The following CCDC88C variants were observed in gnomAD, a reference collection of about 807,000 sequenced individuals.
The protein encoded by CCDC88C is protein Daple.
CCDC88C carries 131 observed loss-of-function variants against 198.8 expected under a neutral mutation model. The observed-to-expected ratio is 0.66, with a 90% CI of 0.57 to 0.76. The LOEUF (loss-of-function observed/expected upper bound fraction) is 0.76, where lower values mean the gene tolerates loss of function less well. CCDC88C is among the 30% of genes least tolerant of loss of function. The probability of loss-of-function intolerance (pLI) is 0.00; values close to 1 mark genes in which losing one functional copy is unlikely to be tolerated. For missense variants in CCDC88C, 2,553 were observed against 2,631.6 expected (o/e 0.97, Z 0.65); for synonymous variants, 1,166 against 1,114.7 (o/e 1.05, Z -0.92).
chr14:91,285,578 A>G (rs1890369553), intron 25 of CCDC88C: 1 of 1,181,662 alleles, frequency 8.5e-7, no homozygotes, highest in Admixed American at 2.9e-5. Context: ...GCTATCGGCC[A>G]TCTGGCCTTT....
At chr14:91,394,821 G>A (rs746965454) in intron 3 of CCDC88C, among the ~76,000 whole-genome samples, 3 of 152,190 alleles carry the variant, frequency 2.0e-5, no homozygotes, top group Admixed American at 6.5e-5. Context: ...GTGCACACTC[G>A]CAAGATTAAT....
intron 21 of CCDC88C, among the ~76,000 whole-genome samples, chr14:91,298,363 A>T (rs990425367): frequency 6.6e-6 from 1 of 151,244 alleles, no homozygotes; most frequent in African/African-American, 2.4e-5. Context: ...ACAGAGCAAG[A>T]CTCCGTCTCA....
At chr14:91,413,593 T>C (rs1337916511) in intron 2 of CCDC88C, among the ~76,000 whole-genome samples, 1 of 152,204 alleles carries the variant, frequency 6.6e-6, no homozygotes, top group African/African-American at 2.4e-5. Context: ...CCCAGGCCTC[T>C]CCATCCAGGC....
chr14:91,281,054 A>C, intron 27 of CCDC88C: 1 of 424,056 alleles, frequency 2.4e-6, no homozygotes. Flanking sequence ...GAATCCAATG[A>C]CAAGTGCTTC....
rs1305169237 is a variant in CCDC88C at position 91,289,215 on chromosome 14, G to A, written c.4331C>T (p.Ser1444Leu). Residue 1444 changes from serine (S) to leucine (L), a missense_variant, in exon 25 of 30, where the codon TCG becomes TTG. Physicochemically the swap from Ser to Leu is moderately radical, Grantham distance 145. Coordinates refer to ENST00000389857, the MANE Select transcript of CCDC88C (RefSeq NM_001080414.4). ...PWQLESSDPA[S>L]PAASQPLRSQ... ...TCTGAGCGGCTGAGAGGCCGCCGGC[G>A]AGGCGGGGTCTGAGGACTCCAGCTG... is the stretch of plus-strand genomic sequence containing the variant. 16 of 1,613,916 alleles carry A rather than the reference G, an allele frequency of 9.9e-6. No homozygotes were observed. Among genetic ancestry groups the A allele is most frequent in the Non-Finnish European group, 1.2e-5 (14 of 1,179,880 alleles).
At position 91,409,202 on chromosome 14, in the gene CCDC88C, T is replaced by A. The variant is rs61988440; in HGVS notation, c.162-435A>T. ...AAAAATGGTAGTTTTTTTTTTTTTTTAAATAGAGACAGGTCTCACTCTGTC... is the reference window on the plus strand; with the variant it reads ...AAAAATGGTAGTTTTTTTTTTTTTTAAAATAGAGACAGGTCTCACTCTGTC... On this transcript the variant is annotated intron_variant, in intron 2 of 29. Coordinates refer to ENST00000389857, the MANE Select transcript of CCDC88C (RefSeq NM_001080414.4). 4.0e-5 allele frequency among the ~76,000 whole-genome samples: 5 copies of A among 123,562 alleles called. 1 individual carries two copies. The highest frequency in any genetic ancestry group is 2.5e-4 in the East Asian group (1 of 4,052). The allele number at this position is 123,562 out of a possible 152,430, so 81.1% of individuals were successfully genotyped here. A position where few individuals can be genotyped will look rare whatever the true frequency, so the allele number is the denominator to read the frequency against.
At chr14:91,356,029 A>G (rs2139896431) in intron 4 of CCDC88C, among the ~76,000 whole-genome samples, 1 of 152,320 alleles carries the variant, frequency 6.6e-6, no homozygotes, top group East Asian at 1.9e-4. Flanking sequence ...CGACGGGGAT[A>G]GATTTAGTCA....
chr14:91,404,223 C>T (rs118110739), intron 3 of CCDC88C, among the ~76,000 whole-genome samples: 3 of 152,190 alleles, frequency 2.0e-5, no homozygotes, highest in African/African-American at 4.8e-5. Context: ...GCTTTCTCTG[C>T]CCCTTCTCAG....
intron 27 of CCDC88C, among the ~76,000 whole-genome samples, chr14:91,280,841 G>C (rs1179019166): frequency 6.6e-6 from 1 of 152,120 alleles, no homozygotes; most frequent in Non-Finnish European, 1.5e-5. Flanking sequence ...CGTGGATAGG[G>C]GTAGGAGGTG....
At chr14:91,390,827 C>T (rs1885465528) in intron 3 of CCDC88C, among the ~76,000 whole-genome samples, 1 of 152,184 alleles carries the variant, frequency 6.6e-6, no homozygotes, top group Admixed American at 6.5e-5. Flanking sequence ...CATCACCTAT[C>T]AGAACCAGAG....
intron 3 of CCDC88C, among the ~76,000 whole-genome samples, chr14:91,367,637 C>T (rs550747604): frequency 6.6e-5 from 10 of 152,222 alleles, no homozygotes; most frequent in African/African-American, 2.4e-4. Context: ...GGAGTACTGC[C>T]AAACTGCCCA....
At chr14:91,335,210 G>A (rs1258102663) in intron 10 of CCDC88C, among the ~76,000 whole-genome samples, 1 of 152,186 alleles carries the variant, frequency 6.6e-6, no homozygotes, top group East Asian at 1.9e-4. Context: ...AGAAAGCAGG[G>A]CTCGTGCATC....
chr14:91,291,178 G>A, intron 23 of CCDC88C, 94 bp from the exon 24 acceptor site: 1 of 724,452 alleles, frequency 1.4e-6, no homozygotes, highest in Non-Finnish European at 2.4e-6. Flanking sequence ...GGTGTACCCG[G>A]GGCTGGTATT....
chr14:91,384,819 C>A (rs1204506712), intron 3 of CCDC88C, among the ~76,000 whole-genome samples: 1 of 152,178 alleles, frequency 6.6e-6, no homozygotes, highest in Non-Finnish European at 1.5e-5. Flanking sequence ...CCCTTCCTGG[C>A]CACAGACAGC....
chr14:91,387,999 T>G (rs1885246495), intron 3 of CCDC88C, among the ~76,000 whole-genome samples: 1 of 152,030 alleles, frequency 6.6e-6, no homozygotes, highest in South Asian at 2.1e-4. Context: ...GTCCAGACAA[T>G]GCATTTTAAG....
At position 91,325,155 on chromosome 14, in the gene CCDC88C, C is replaced by T. The variant is rs141870314; in HGVS notation, c.1198-232G>A. 1.8e-3 allele frequency among the ~76,000 whole-genome samples: 271 copies of T among 152,302 alleles called. No individual in the cohort carries two copies. Among genetic ancestry groups the T allele is most frequent in the African/African-American group, 6.3e-3 (263 of 41,552 alleles). On this transcript the variant is annotated intron_variant, in intron 11 of 29. Coordinates refer to ENST00000389857, the MANE Select transcript of CCDC88C (RefSeq NM_001080414.4). This position sits in a 1 kb window ranked among gnomAD's most constrained non-coding sequence, Gnocchi z 4.1. ...CCTAGGTTATGAAGACAGACCCGGC[C>T]GGGGTCCCTAACTGAATGCTGTCTG...
intron 26 of CCDC88C, among the ~76,000 whole-genome samples, chr14:91,282,820 A>AG (rs1890250608): frequency 6.6e-6 from 1 of 152,138 alleles, no homozygotes; most frequent in Non-Finnish European, 1.5e-5. Context: ...CCAGCACTTT[A>AG]GGGGGCCAAG....
intron 26 of CCDC88C, among the ~76,000 whole-genome samples, chr14:91,282,172 C>A (rs2139726751): frequency 6.6e-6 from 1 of 152,306 alleles, no homozygotes; most frequent in Middle Eastern, 3.4e-3. Context: ...TGGTGACATG[C>A]CCACCTGCAA....
chr14:91,272,666 CG>C lies in CCDC88C; in HGVS notation c.6045del (p.Asp2017IlefsTer48). 6.2e-7 allele frequency: 1 copy of C among 1,611,598 alleles called. No homozygotes were observed. The highest frequency in any genetic ancestry group is 2.2e-5 in the East Asian group (1 of 44,862). On this transcript the variant is annotated frameshift_variant, in exon 30 of 30. Coordinates refer to ENST00000389857, the MANE Select transcript of CCDC88C (RefSeq NM_001080414.4). LOFTEE classifies it high-confidence loss of function. ...TCATACCACACGGTCTGCGGATCCC[CG>C]CCGGGCTCCGGGGAGGCCGGACTGC... ...SKSSPASPEP[G>X]GDPQTVWYEY... is the part of the protein sequence containing the mutation.
Sources: allele counts gnomAD v4.1 joint callset (sites outside exome capture counted in the v4.1 genomes callset), GRCh38; gene constraint gnomAD v4.1.1; non-coding constraint Gnocchi (gnomAD v3.1); transcripts MANE v1.5; gene names NCBI Gene and HGNC (gene_info 2026-07-23, HGNC 2026-07-21).